Variants in HYDIN observed in about 807,000 individuals in gnomAD.
HYDIN encodes the protein axonemal central pair apparatus protein HYDIN.
HYDIN carries 132 observed loss-of-function variants against 403.9 expected under a neutral mutation model. The ratio of observed to expected loss-of-function variants is 0.33; its 90% CI spans 0.28 to 0.38. The LOEUF (loss-of-function observed/expected upper bound fraction) is 0.38, where lower values mean the gene tolerates loss of function less well. Among genes scored for constraint, HYDIN ranks in the 10% least tolerant of loss-of-function variants. The pLI is 1.00. For synonymous variants in HYDIN, 1,202 were observed against 1,891.7 expected, an observed-to-expected ratio of 0.64 and a Z score of 9.46; for missense variants, 2,827 against 5,009.5, an observed-to-expected ratio of 0.56 and a Z score of 13.15.
At chr16:70,892,679 T>C (rs2041543394) in intron 55 of HYDIN, 150 bp from the exon 56 acceptor site, 1 of 639,294 alleles carries the variant, frequency 1.6e-6, no homozygotes, top group African/African-American at 1.8e-5. Flanking sequence ...TTGTACATCG[T>C]GATCGCCTCT....
chr16:70,851,237 A>C (rs2038628565), intron 73 of HYDIN, among the ~76,000 whole-genome samples: 1 of 146,302 alleles, frequency 6.8e-6, no homozygotes, highest in Admixed American at 6.7e-5. Flanking sequence ...AGAGTAAGAA[A>C]GGAAAAAAGC....
At chr16:70,948,578 C>G (rs900526950) in intron 41 of HYDIN, among the ~76,000 whole-genome samples, 1 of 151,998 alleles carries the variant, frequency 6.6e-6, no homozygotes, top group African/African-American at 2.4e-5. Flanking sequence ...GGCTAATATT[C>G]AGAATCTATA....
chr16:71,216,902 TCCCAAC>T (rs1282991889), intron 1 of HYDIN, among the ~76,000 whole-genome samples: 1 of 152,150 alleles, frequency 6.6e-6, no homozygotes. Context: ...GCCCTGTGCT[TCCCAAC>T]CCCACCACAA....
chr16:70,834,948 A>T (rs2037290270), intron 78 of HYDIN, among the ~76,000 whole-genome samples: 1 of 146,812 alleles, frequency 6.8e-6, no homozygotes, highest in South Asian at 2.1e-4. Flanking sequence ...ACACACATAT[A>T]TGTATATATA....
intron 43 of HYDIN, among the ~76,000 whole-genome samples, chr16:70,939,524 T>C (rs2077604412): frequency 6.6e-6 from 1 of 152,184 alleles, no homozygotes; most frequent in Admixed American, 6.5e-5. Context: ...ATCTCATGTT[T>C]GTTAACATGT....
chr16:71,134,264 A>G (rs2084825720), intron 8 of HYDIN, among the ~76,000 whole-genome samples: 1 of 151,506 alleles, frequency 6.6e-6, no homozygotes, highest in Admixed American at 6.6e-5. Flanking sequence ...GATGAATGCC[A>G]CAGGACATGC....
intron 18 of HYDIN, among the ~76,000 whole-genome samples, chr16:71,037,172 T>C (rs1430773457): frequency 2.0e-5 from 3 of 149,680 alleles, no homozygotes; most frequent in African/African-American, 7.4e-5. Context: ...GTACCTTCCA[T>C]ATAGAGCTGT....
intron 36 of HYDIN, among the ~76,000 whole-genome samples, chr16:70,967,474 T>G (rs2078611964): frequency 6.6e-6 from 1 of 151,572 alleles, no homozygotes; most frequent in Admixed American, 6.6e-5. Context: ...CATGTCCAGC[T>G]AAATTATTTT....
At chr16:71,201,749 T>C (rs945988123) in intron 1 of HYDIN, among the ~76,000 whole-genome samples, 1 of 152,240 alleles carries the variant, frequency 6.6e-6, no homozygotes, top group Non-Finnish European at 1.5e-5. Flanking sequence ...GACTGACTTC[T>C]TAGGCCATCA....
At chr16:70,983,728 C>CA (rs2079104989) in intron 28 of HYDIN, among the ~76,000 whole-genome samples, 1 of 143,740 alleles carries the variant, frequency 7.0e-6, no homozygotes, top group African/African-American at 2.6e-5. Flanking sequence ...GATCGTGATT[C>CA]AAAAAAACCT....
At chr16:71,049,625 G>A (rs576140364) in intron 18 of HYDIN, among the ~76,000 whole-genome samples, 2 of 152,098 alleles carry the variant, frequency 1.3e-5, no homozygotes, top group African/African-American at 4.8e-5. Context: ...CAAACAATCA[G>A]GTAATGAATT....
chr16:71,106,298 C>T (rs1445624160), intron 10 of HYDIN, among the ~76,000 whole-genome samples: 1 of 152,166 alleles, frequency 6.6e-6, no homozygotes, highest in Non-Finnish European at 1.5e-5. Context: ...AAGTATTTCC[C>T]TGACTTGCAT....
At chr16:71,130,963 C>T (rs917583758) in intron 8 of HYDIN, among the ~76,000 whole-genome samples, 1 of 131,700 alleles carries the variant, frequency 7.6e-6, no homozygotes, top group Non-Finnish European at 1.6e-5. Flanking sequence ...CCCACCAGAG[C>T]TATGTTCACA....
At chr16:71,172,201 G>C (rs1252855477) in intron 5 of HYDIN, among the ~76,000 whole-genome samples, 1 of 152,128 alleles carries the variant, frequency 6.6e-6, no homozygotes, top group Non-Finnish European at 1.5e-5. Context: ...CAACAAATTA[G>C]ACATTTTCTT....
chr16:70,966,900 A>G (rs1481320575), intron 36 of HYDIN, among the ~76,000 whole-genome samples: 2 of 150,736 alleles, frequency 1.3e-5, no homozygotes, highest in African/African-American at 2.4e-5. Flanking sequence ...CATGATGGAA[A>G]TTAAGTCCTG....
At chr16:71,143,411 C>G (rs1318429842) in intron 7 of HYDIN, among the ~76,000 whole-genome samples, 3 of 152,154 alleles carry the variant, frequency 2.0e-5, no homozygotes, top group African/African-American at 7.2e-5. Flanking sequence ...CAAGTCTTCA[C>G]TTGCTATGAA....
chr16:70,852,899 T>G (rs2038750397), intron 73 of HYDIN: 2 of 152,108 alleles, frequency 1.3e-5, no homozygotes, highest in African/African-American at 4.8e-5. Flanking sequence ...TGTTGCCGGT[T>G]GCAGAGCCTC....
chr16:71,085,194 A>C (rs1171560426), intron 12 of HYDIN, among the ~76,000 whole-genome samples: 2 of 84,290 alleles, frequency 2.4e-5, no homozygotes. Context: ...TTCATTAAAC[A>C]TTCAGTAGAA....
intron 43 of HYDIN, among the ~76,000 whole-genome samples, 200 bp from the exon 44 acceptor site, chr16:70,938,955 G>A (rs1426747356): frequency 3.3e-5 from 5 of 152,130 alleles, no homozygotes; most frequent in Non-Finnish European, 7.4e-5. Flanking sequence ...CTGAACAGTG[G>A]CCCCCAAAGA....
Sources: gnomAD v4.1 joint callset for allele counts (sites outside exome capture counted in the v4.1 genomes callset) on GRCh38, gnomAD v4.1.1 for gene constraint, MANE v1.5 for transcripts, NCBI Gene and HGNC (gene_info 2026-07-23, HGNC 2026-07-21) for gene names.